The following PEAK1 variants were observed in gnomAD, a reference collection of about 807,000 sequenced individuals.
The protein encoded by PEAK1 is pseudopodium enriched atypical kinase 1.
In PEAK1, 54 loss-of-function variants were observed where a neutral mutation model predicts 124.7. The observed-to-expected ratio is 0.43, with a 90% CI of 0.35 to 0.54. The LOEUF is 0.54. Ranked by LOEUF, PEAK1 falls within the 20% of genes least tolerant of loss-of-function variation. PEAK1 has a pLI of 0.01. For missense variants in PEAK1, 2,046 were observed against 2,134.5 expected (o/e 0.96, Z 0.82); for synonymous variants, 719 against 760.0 (o/e 0.95, Z 0.89).
chr15:77,170,334 C>T (rs2056421584), intron 7 of PEAK1, among the ~76,000 whole-genome samples: 1 of 151,616 alleles, frequency 6.6e-6, no homozygotes, highest in African/African-American at 2.4e-5. Context: ...AAGATAGTCC[C>T]AATTAAAAGG....
In PEAK1 at chr15:77,349,273, T is replaced by C. The variant is rs971389411; in HGVS notation, c.-603+15890A>G. 7.6e-6 allele frequency: 5 copies of C among 656,034 alleles called. No homozygotes were observed. In the African/African-American group the frequency reaches 7.9e-5, roughly 10 times the overall value. The allele number at this position is 656,034 out of a possible 1,614,324, so 40.6% of individuals were successfully genotyped here. ...CCAGGATGGTCTCGATCTTCTGACC[T>C]TACGATCTGCCCGCCTCGGCCTCCC... On this transcript the variant is annotated intron_variant, in intron 2 of 9. Transcript: ENST00000682557.
At chr15:77,369,352 C>T (rs934556737) in intron 1 of PEAK1, among the ~76,000 whole-genome samples, 1 of 152,130 alleles carries the variant, frequency 6.6e-6, no homozygotes, top group African/African-American at 2.4e-5. Context: ...GCTTCTCGAC[C>T]CTTAGAAAAT....
At chr15:77,323,200 G>A (rs1160033846) in intron 2 of PEAK1, among the ~76,000 whole-genome samples, 29 of 152,270 alleles carry the variant, frequency 1.9e-4, no homozygotes, top group Middle Eastern at 3.4e-3. Context: ...AAAACTGGAA[G>A]CGTTCCCTTT....
intron 2 of PEAK1, chr15:77,349,731 A>C: frequency 1.0e-6 from 1 of 985,296 alleles, no homozygotes. Context: ...TAAGTAGGTC[A>C]ATCATTCTTA....
At chr15:77,296,599 G>A (rs2063498064) in intron 2 of PEAK1, among the ~76,000 whole-genome samples, 3 of 151,404 alleles carry the variant, frequency 2.0e-5, no homozygotes, top group South Asian at 4.1e-4. Flanking sequence ...GGGCGACAGA[G>A]TGAGACTCTG....
At chr15:77,419,672 G>A (rs1418641174) in intron 1 of PEAK1, 7 of 984,966 alleles carry the variant, frequency 7.1e-6, no homozygotes, top group Non-Finnish European at 8.4e-6. Flanking sequence ...GCGCCCGGGG[G>A]CGTCCCTCGC....
chr15:77,346,730 A>G (rs2066895102), intron 2 of PEAK1: 13 of 982,708 alleles, frequency 1.3e-5, no homozygotes, highest in Non-Finnish European at 1.6e-5. Flanking sequence ...ATGAAAAGAC[A>G]TTTGTACGAA....
chr15:77,363,621 T>C (rs550000481), intron 2 of PEAK1, among the ~76,000 whole-genome samples: 78 of 152,286 alleles, frequency 5.1e-4, no homozygotes, highest in African/African-American at 1.8e-3. Flanking sequence ...CAGCTTTAAC[T>C]TCTTGCTTAT....
intron 1 of PEAK1, among the ~76,000 whole-genome samples, chr15:77,405,678 A>T (rs2071762328): frequency 6.6e-6 from 1 of 152,232 alleles, no homozygotes; most frequent in South Asian, 2.1e-4. Flanking sequence ...TTCGCATCTT[A>T]ATAAAGCCCT....
At chr15:77,323,057 G>A (rs1214740329) in intron 2 of PEAK1, among the ~76,000 whole-genome samples, 2 of 152,234 alleles carry the variant, frequency 1.3e-5, no homozygotes, top group Admixed American at 1.3e-4. Flanking sequence ...AATAGATGCA[G>A]AAAAGGCCTT....
At position 77,122,045 on chromosome 15, in the gene PEAK1, TAGG is replaced by T. The variant is rs146373741; in HGVS notation, c.4078-6729_4078-6727del. Among the ~76,000 whole-genome samples the T allele has an allele frequency of 4.5e-3, 680 of 152,262 alleles. 5 individuals carry two copies. Among genetic ancestry groups the T allele is most frequent in the African/African-American group, 0.016 (651 of 41,550 alleles). ...ATTGACCTCAATTCCTTGATCTGCC[TAGG>T]AGGAGTATTGCTATACTTGCTGCTA... On this transcript the variant is annotated intron_variant, in intron 9 of 9. Transcript: ENST00000682557.
intron 2 of PEAK1, among the ~76,000 whole-genome samples, chr15:77,344,280 G>A (rs182467184): frequency 4.6e-5 from 7 of 152,142 alleles, no homozygotes; most frequent in Middle Eastern, 3.4e-3. Flanking sequence ...ATTTTTAGTA[G>A]AGACGGGGTT....
chr15:77,134,463 T>C (rs972378236), intron 8 of PEAK1, among the ~76,000 whole-genome samples: 140 of 152,358 alleles, frequency 9.2e-4, no homozygotes, highest in African/African-American at 3.2e-3. Flanking sequence ...CAAACTCTTA[T>C]GTGATTCTCT....
At chr15:77,311,125 T>C (rs2064410958) in intron 2 of PEAK1, among the ~76,000 whole-genome samples, 1 of 152,168 alleles carries the variant, frequency 6.6e-6, no homozygotes, top group Non-Finnish European at 1.5e-5. Context: ...AATAGGTTAT[T>C]ATGATGGTAG....
At chr15:77,171,822 TTAAA>T (rs1461132946) in intron 7 of PEAK1, among the ~76,000 whole-genome samples, 24 of 152,200 alleles carry the variant, frequency 1.6e-4, no homozygotes, top group African/African-American at 5.5e-4. Context: ...AATTTAAGTA[TTAAA>T]TAAAAATTTA....
chr15:77,287,397 C>A (rs1192589356), intron 2 of PEAK1, among the ~76,000 whole-genome samples: 1 of 152,136 alleles, frequency 6.6e-6, no homozygotes, highest in Admixed American at 6.5e-5. Context: ...TTCCAGCTGA[C>A]CAAATAAGTG....
At chr15:77,371,324 C>T in intron 1 of PEAK1, 1 of 915,064 alleles carries the variant, frequency 1.1e-6, no homozygotes, top group Non-Finnish European at 1.3e-6. Flanking sequence ...GAAAATATTC[C>T]TTCCTTTAAT....
intron 6 of PEAK1, among the ~76,000 whole-genome samples, chr15:77,196,652 C>T (rs2058117373): frequency 1.3e-5 from 2 of 152,008 alleles, no homozygotes; most frequent in Non-Finnish European, 2.9e-5. Context: ...CAAGCACTAA[C>T]AAATGTTAGT....
intron 2 of PEAK1, among the ~76,000 whole-genome samples, chr15:77,302,291 T>C (rs578257347): frequency 7.2e-4 from 109 of 152,278 alleles, no homozygotes; most frequent in African/African-American, 2.4e-3. Flanking sequence ...AACCTGTGCA[T>C]ATACATATAT....
Sources: allele counts gnomAD v4.1 joint callset (sites outside exome capture counted in the v4.1 genomes callset), GRCh38; gene constraint gnomAD v4.1.1; transcripts MANE v1.5; gene names NCBI Gene and HGNC (gene_info 2026-07-23, HGNC 2026-07-21).